DPP6: variants seen among roughly 807,000 people sequenced by gnomAD.
The protein encoded by DPP6 is dipeptidyl peptidase like 6, also known as A-type potassium channel modulatory protein DPP6.
Under a neutral mutation model 122.6 loss-of-function variants are expected in DPP6, and 69 were observed. The ratio of observed to expected loss-of-function variants is 0.56; its 90% CI spans 0.46 to 0.69. DPP6 has a LOEUF of 0.69. Ranked by LOEUF, DPP6 falls within the 30% of genes least tolerant of loss-of-function variation. The probability of loss-of-function intolerance (pLI) is 0.00; values close to 1 mark genes in which losing one functional copy is unlikely to be tolerated. For synonymous variants in DPP6, 418 were observed against 433.1 expected, an observed-to-expected ratio of 0.97 and a Z score of 0.43; for missense variants, 928 against 1,116.9, an observed-to-expected ratio of 0.83 and a Z score of 2.41.
chr7:153,814,479 C>T, the DPP6 span, among the ~76,000 whole-genome samples: 1 of 152,010 alleles, frequency 6.6e-6, no homozygotes, highest in African/African-American at 2.4e-5. Context: ...GCTTACCAAC[C>T]AAAAAGAGTC....
intron 20 of DPP6, among the ~76,000 whole-genome samples, chr7:154,880,272 C>T (rs1485520167): frequency 2.0e-5 from 3 of 152,202 alleles, no homozygotes; most frequent in Non-Finnish European, 4.4e-5. Flanking sequence ...GGGACCCAGG[C>T]AGCACTGGCC....
chr7:153,868,198 A>G, the DPP6 span, among the ~76,000 whole-genome samples: 1 of 151,856 alleles, frequency 6.6e-6, no homozygotes, highest in African/African-American at 2.4e-5. Context: ...CTCTTTTTCT[A>G]TTGATTGGAA....
the DPP6 span, among the ~76,000 whole-genome samples, chr7:153,773,285 G>C: frequency 1.4e-5 from 2 of 143,680 alleles, no homozygotes; most frequent in Non-Finnish European, 3.0e-5. Context: ...GTGTGTGTGT[G>C]TGTGTGTCTG....
At chr7:154,735,936 C>T (rs1273093290) in intron 8 of DPP6, among the ~76,000 whole-genome samples, 2 of 152,206 alleles carry the variant, frequency 1.3e-5, no homozygotes, top group Non-Finnish European at 2.9e-5. Context: ...CTCACTTGAC[C>T]CTGAGTCCCA....
At chr7:154,220,265 T>C (rs1030277819) in intron 1 of DPP6, among the ~76,000 whole-genome samples, 1 of 152,194 alleles carries the variant, frequency 6.6e-6, no homozygotes, top group African/African-American at 2.4e-5. Context: ...CTTTCTGCTC[T>C]TCCATTCCTT....
rs62473865 is a variant in DPP6 at position 154,771,534 on chromosome 7, A to C, written c.1039-1311A>C. On this transcript the variant is annotated intron_variant, in intron 9 of 25. Transcript: ENST00000377770. ...TCACCTCCCAAAGGTCTTACTTCCA[A>C]ATAGCATCACACTGGGGGTTAGGGC... Among the ~76,000 whole-genome samples, 782 of 152,318 alleles carry C rather than the reference A, an allele frequency of 5.1e-3. 2 individuals carry two copies. Among genetic ancestry groups the C allele is most frequent in the Non-Finnish European group, 8.7e-3 (594 of 68,028 alleles).
intron 1 of DPP6, among the ~76,000 whole-genome samples, chr7:154,015,217 G>A (rs1798345259): frequency 6.6e-6 from 1 of 151,756 alleles, no homozygotes; most frequent in South Asian, 2.1e-4. Flanking sequence ...CTTCCATCTC[G>A]AAACACTCTC....
intron 4 of DPP6, among the ~76,000 whole-genome samples, chr7:154,565,790 G>T (rs1830709304): frequency 6.6e-6 from 1 of 152,186 alleles, no homozygotes; most frequent in Admixed American, 6.5e-5. Flanking sequence ...CTCCCAAAGT[G>T]CTGGGATTAC....
rs923500028 is a variant in DPP6, at chr7:154,821,185, G to T, written c.1666+14073G>T. Among the ~76,000 whole-genome samples the T allele has an allele frequency of 6.6e-6, 1 of 152,220 alleles. No homozygotes were observed. Among genetic ancestry groups the T allele is most frequent in the African/African-American group, 2.4e-5 (1 of 41,462 alleles). ...TGTGAATTGTGTTTCCCTAAACTGTGTTGGCTGCTAGAGAGCTTAGCATGA... is the reference window on the plus strand; with the variant it reads ...TGTGAATTGTGTTTCCCTAAACTGTTTTGGCTGCTAGAGAGCTTAGCATGA... On this transcript the variant is annotated intron_variant, in intron 16 of 25. Transcript: ENST00000377770. The surrounding 1 kb of genome is among the most constrained non-coding windows in gnomAD (Gnocchi z 4.2).
chr7:154,364,615 G>A lies in DPP6; in HGVS notation c.244-81599G>A, dbSNP rs113350136. 3.9e-5 allele frequency among the ~76,000 whole-genome samples: 6 copies of A among 152,132 alleles called. 2 individuals carry two copies. The highest frequency in any genetic ancestry group is 4.1e-4 in the South Asian group (2 of 4,828). Reference sequence around the variant, plus strand: ...CTGCATCCCTTCGGTGAGCTTAGTCGCAGTACCTTAGTCACAGCCAGGTAG... The same window carrying A: ...CTGCATCCCTTCGGTGAGCTTAGTCACAGTACCTTAGTCACAGCCAGGTAG... On this transcript the variant is annotated intron_variant, in intron 1 of 25. Coordinates refer to ENST00000377770, the MANE Select transcript of DPP6 (RefSeq NM_130797.4).
intron 10 of DPP6, among the ~76,000 whole-genome samples, chr7:154,787,057 T>G (rs2150413511): frequency 6.6e-6 from 1 of 152,246 alleles, no homozygotes; most frequent in East Asian, 1.9e-4. Flanking sequence ...TACATATATT[T>G]TATTTCTTTA....
At chr7:154,807,191 A>G in intron 16 of DPP6, 79 bp downstream of exon 16, 4 of 1,204,114 alleles carry the variant, frequency 3.3e-6, no homozygotes, top group Admixed American at 1.9e-5. Context: ...ACTTGCAGGG[A>G]GGGGGCAGCG....
At chr7:154,686,730 T>G (rs1287190877) in intron 7 of DPP6, among the ~76,000 whole-genome samples, 1 of 152,240 alleles carries the variant, frequency 6.6e-6, no homozygotes, top group African/African-American at 2.4e-5. Context: ...GAAGCTTGTA[T>G]GTCTCCTTTT....
intron 1 of DPP6, among the ~76,000 whole-genome samples, chr7:154,425,604 A>AAAAGTGTG (rs60604834): frequency 2.3e-5 from 3 of 128,236 alleles, no homozygotes; most frequent in Admixed American, 7.4e-5. Flanking sequence ...GGGGAAAAAA[A>AAAAGTGTG]TGTGTGTGTG....
intron 16 of DPP6, among the ~76,000 whole-genome samples, chr7:154,818,572 C>T (rs182667256): frequency 1.2e-3 from 178 of 152,322 alleles, no homozygotes; most frequent in Non-Finnish European, 1.9e-3. Flanking sequence ...TAGCCTCAAA[C>T]ATGTAGGGTG....
intron 19 of DPP6, among the ~76,000 whole-genome samples, chr7:154,873,496 GC>G (rs1804562400): frequency 6.6e-6 from 1 of 152,160 alleles, no homozygotes; most frequent in South Asian, 2.1e-4. Flanking sequence ...TGTTAAGGAT[GC>G]CAGTGCAACT....
At chr7:154,274,387 A>G (rs181908505) in intron 1 of DPP6, among the ~76,000 whole-genome samples, 37 of 152,266 alleles carry the variant, frequency 2.4e-4, no homozygotes, top group Admixed American at 1.8e-3. Context: ...TTTTCCTGCA[A>G]TAGAATATGT....
chr7:153,779,874 T>C, the DPP6 span, among the ~76,000 whole-genome samples: 1 of 151,248 alleles, frequency 6.6e-6, no homozygotes. Context: ...TTGGCTTTGA[T>C]AACTGCTGTG....
chr7:154,336,690 G>A (rs906988349), intron 1 of DPP6, among the ~76,000 whole-genome samples: 2 of 152,180 alleles, frequency 1.3e-5, no homozygotes, highest in East Asian at 3.9e-4. Context: ...CTGTGGGCAC[G>A]TGAGTCAGGG....
Sources: gnomAD v4.1 joint callset for allele counts (sites outside exome capture counted in the v4.1 genomes callset) on GRCh38, gnomAD v4.1.1 for gene constraint, Gnocchi (gnomAD v3.1) non-coding constraint, MANE v1.5 for transcripts, NCBI Gene and HGNC (gene_info 2026-07-23, HGNC 2026-07-21) for gene names.